The following PLOD2 variants were observed in gnomAD, a reference collection of about 807,000 sequenced individuals.
PLOD2 encodes lysine hydroxylase 2.
In PLOD2, 65 loss-of-function variants were observed where a neutral mutation model predicts 101.0. The observed-to-expected ratio is 0.64, with a 90% CI of 0.53 to 0.79. The LOEUF is 0.79. Among genes scored for constraint, PLOD2 ranks in the 30% least tolerant of loss-of-function variants. The pLI is 0.00. For synonymous variants in PLOD2, 314 were observed against 302.9 expected (o/e 1.04, Z -0.38); for missense variants, 909 against 914.6 (o/e 0.99, Z 0.08).
intron 1 of PLOD2, among the ~76,000 whole-genome samples, chr3:146,125,039 T>C (rs1378069135): frequency 6.6e-6 from 1 of 151,948 alleles, no homozygotes; most frequent in Non-Finnish European, 1.5e-5. Context: ...GTTGGAAAAA[T>C]GCACAAAAGA....
At chr3:146,085,674 A>C (rs909790236) in intron 10 of PLOD2, 14 of 200,024 alleles carry the variant, frequency 7.0e-5, no homozygotes, top group African/African-American at 3.2e-4. Flanking sequence ...TTCAGGTATT[A>C]ATATTTTACA....
Position 146,072,592 on chromosome 3 carries a change from T to C in PLOD2, c.1817A>G (p.His606Arg), listed in dbSNP as rs760686300. The C allele has an allele frequency of 6.2e-7, 1 of 1,610,006 alleles. No individual in the cohort carries two copies. Among genetic ancestry groups the C allele is most frequent in the Non-Finnish European group, 8.5e-7 (1 of 1,176,916 alleles). Residue 606 changes from histidine (H) to arginine (R), a missense_variant, in exon 17 of 20, where the codon CAT becomes CGT. Physicochemically the swap from His to Arg is conservative, Grantham distance 29. Transcript: ENST00000282903. The part of the protein sequence containing the change: ...ACDELVEEME[H>R]YGKWSGGKHH... ...TTTTCCCCCAGACCATTTGCCGTAA[T>C]GTTCCATTTCTTCTACCAATTCATC...
intron 1 of PLOD2, among the ~76,000 whole-genome samples, chr3:146,153,722 T>A (rs746656041): frequency 4.6e-5 from 7 of 151,774 alleles, no homozygotes; most frequent in Non-Finnish European, 1.0e-4. Context: ...ATCTCCTTAC[T>A]GCACTTGAGT....
chr3:146,156,773 TC>T (rs903358072), intron 1 of PLOD2, among the ~76,000 whole-genome samples: 1 of 152,202 alleles, frequency 6.6e-6, no homozygotes, highest in Non-Finnish European at 1.5e-5. Flanking sequence ...TTCTCATAGG[TC>T]CCAAAAGTCC....
chr3:146,107,570 A>ACAT (rs1937556573), intron 4 of PLOD2, among the ~76,000 whole-genome samples: 1 of 148,732 alleles, frequency 6.7e-6, no homozygotes, highest in South Asian at 2.1e-4. Context: ...AAAAATGAAA[A>ACAT]CATGACCAAA....
rs1936865210 is a variant in PLOD2 at position 146,088,575 on chromosome 3, CA to C, written c.1005+10del. 1 of 1,525,850 alleles carries C rather than the reference CA, an allele frequency of 6.6e-7. No individual in the cohort carries two copies. The allele number at this position is 1,525,850 out of a possible 1,614,324, so 94.5% of individuals were successfully genotyped here. On this transcript the variant is annotated intron_variant, in intron 9 of 19. Transcript: ENST00000282903. The stretch of plus-strand genomic sequence containing the variant: ...GTTTTGACATAAAATATTCATTTCT[CA>C]AATACTTACTTTGTTATGAATAAAA...
Position 146,081,841 on chromosome 3 carries a change from T to G in PLOD2, c.1255A>C (p.Thr419Pro). ...QNRKIIAPLV[T>P]RHGKLWSNFW... ...TTGGACCACAGCTTTCCATGACGAG[T>G]TACAAGAGGAGCAATGATCTTTCTA... is the stretch of plus-strand genomic sequence containing the variant. The change falls in exon 12 of 20, where the codon ACT becomes CCT. Residue 419 changes from threonine to proline, a missense_variant. By Grantham distance (38) the Thr-to-Pro change is conservative. Transcript: ENST00000282903. The G allele has an allele frequency of 6.2e-7, 1 of 1,612,536 alleles. No individual in the cohort carries two copies.
At chr3:146,076,539 C>CTAAACTAATTTAA in intron 15 of PLOD2, 1 of 39,476 alleles carries the variant, frequency 2.5e-5, no homozygotes, top group Non-Finnish European at 4.2e-5. Flanking sequence ...TTTCCAAATT[C>CTAAACTAATTTAA]ATTCCGACCA....
chr3:146,079,047 T>C (rs1342284312), intron 13 of PLOD2, 69 bp downstream of exon 13: 1 of 1,498,494 alleles, frequency 6.7e-7, no homozygotes, highest in African/African-American at 1.4e-5. Flanking sequence ...CAAAACACAG[T>C]GACACACCAA....
Position 146,088,639 on chromosome 3 carries a change from A to G in PLOD2, c.952T>C (p.Leu318=). 1 of 1,600,176 alleles carries G rather than the reference A, an allele frequency of 6.2e-7. No homozygotes were observed. The highest frequency in any genetic ancestry group is 8.6e-7 in the Non-Finnish European group (1 of 1,167,846). The change falls in exon 9 of 20, where the codon TTG becomes CTG. Residue 318 remains leucine, a synonymous_variant. Transcript: ENST00000282903. ...TCTTTTGGGTAATCCAGTGTCAACAATATGTCCAGAAACCGAGGTAGAAAA... is the reference window on the plus strand; with the variant it reads ...TCTTTTGGGTAATCCAGTGTCAACAGTATGTCCAGAAACCGAGGTAGAAAA... ...TPFLPRFLDI[L]LTLDYPKEAL...
At chr3:146,105,858 A>C (rs986368160) in intron 5 of PLOD2, among the ~76,000 whole-genome samples, 1 of 152,188 alleles carries the variant, frequency 6.6e-6, no homozygotes, top group African/African-American at 2.4e-5. Flanking sequence ...TGCAAGGCTA[A>C]AGACTACAAA....
chr3:146,139,282 T>C (rs2031402928), intron 1 of PLOD2, among the ~76,000 whole-genome samples: 2 of 152,296 alleles, frequency 1.3e-5, no homozygotes, highest in East Asian at 1.9e-4. Flanking sequence ...ATGAGTCTCC[T>C]GCATCAATAA....
chr3:146,072,331 T>C (rs1158551454), intron 17 of PLOD2, among the ~76,000 whole-genome samples: 1 of 151,656 alleles, frequency 6.6e-6, no homozygotes, highest in East Asian at 1.9e-4. Flanking sequence ...GAACATCCAG[T>C]GTAATTACAT....
At chr3:146,108,548 A>T (rs1253909600) in intron 4 of PLOD2, among the ~76,000 whole-genome samples, 1 of 152,162 alleles carries the variant, frequency 6.6e-6, no homozygotes, top group Non-Finnish European at 1.5e-5. Context: ...ATAACTGTAA[A>T]TATGTGATCT....
intron 8 of PLOD2, among the ~76,000 whole-genome samples, chr3:146,091,360 A>G (rs1297029833): frequency 6.6e-6 from 1 of 151,946 alleles, no homozygotes; most frequent in Non-Finnish European, 1.5e-5. Flanking sequence ...GTGAAGTTTA[A>G]ATGAGTTATT....
At position 146,072,694 on chromosome 3, in the gene PLOD2, CATA is replaced by C. The variant is rs747251469; in HGVS notation, c.1744-32_1744-30del. Reference sequence around the variant, plus strand: ...TAAAATATGCATCATCGTTAGAAGACATAATAACTTCTGTGTCTTAATAGTCTA... The same window carrying C: ...TAAAATATGCATCATCGTTAGAAGACATAACTTCTGTGTCTTAATAGTCTA... On this transcript the variant is annotated intron_variant, in intron 16 of 19. Coordinates refer to ENST00000282903, the MANE Select transcript of PLOD2 (RefSeq NM_182943.3). 1.5e-4 allele frequency: 194 copies of C among 1,310,534 alleles called. No homozygotes were observed. In the African/African-American group the frequency reaches 2.3e-3, roughly 16 times the overall value. 81.2% of individuals were successfully genotyped at this position (1,310,534 alleles called of 1,614,324 possible). A position where few individuals can be genotyped will look rare whatever the true frequency, so the allele number is the denominator to read the frequency against.
chr3:146,148,307 T>A (rs1234357402), intron 1 of PLOD2, among the ~76,000 whole-genome samples: 1 of 145,682 alleles, frequency 6.9e-6, no homozygotes, highest in East Asian at 2.0e-4. Context: ...GATATCTAAT[T>A]ATTTATACAG....
intron 10 of PLOD2, chr3:146,085,771 G>C (rs1936744133): frequency 6.4e-6 from 1 of 156,876 alleles, no homozygotes; most frequent in Non-Finnish European, 1.4e-5. Flanking sequence ...CCCTGGTACA[G>C]TTTGTAACAT....
At chr3:146,158,764 C>A (rs2032423702) in intron 1 of PLOD2, among the ~76,000 whole-genome samples, 1 of 151,830 alleles carries the variant, frequency 6.6e-6, no homozygotes, top group Non-Finnish European at 1.5e-5. Context: ...CAGGATAGTC[C>A]CTCAAAGCAA....
Sources: allele counts gnomAD v4.1 joint callset (sites outside exome capture counted in the v4.1 genomes callset), GRCh38; gene constraint gnomAD v4.1.1; transcripts MANE v1.5; gene names NCBI Gene and HGNC (gene_info 2026-07-23, HGNC 2026-07-21).